Variants in AGBL4 observed in about 807,000 individuals in gnomAD.
AGBL4 encodes the protein AGBL carboxypeptidase 4, also known as cytosolic carboxypeptidase 6.
AGBL4 carries 58 observed loss-of-function variants against 66.4 expected under a neutral mutation model. That is an observed-to-expected ratio of 0.87 (90% confidence interval 0.71 to 1.09). The LOEUF is 1.09. Among genes scored for constraint, AGBL4 ranks in the 50% least tolerant of loss-of-function variants. The pLI, the probability that AGBL4 is intolerant of heterozygous loss-of-function variation, is 0.00. For synonymous variants in AGBL4, 234 were observed against 222.9 expected (o/e 1.05, Z -0.44); for missense variants, 579 against 631.0 (o/e 0.92, Z 0.88).
chr1:48,773,896 A>G (rs899801295), intron 6 of AGBL4, among the ~76,000 whole-genome samples: 3 of 152,234 alleles, frequency 2.0e-5, no homozygotes, highest in African/African-American at 7.2e-5. Context: ...GACTATCAGG[A>G]AAGAAGGAGT....
chr1:48,607,629 G>GA (rs1202791064), intron 9 of AGBL4, among the ~76,000 whole-genome samples: 1 of 151,556 alleles, frequency 6.6e-6, no homozygotes, highest in Non-Finnish European at 1.5e-5. Context: ...CCCACCCCCA[G>GA]AAAAAAAGAG....
intron 5 of AGBL4, among the ~76,000 whole-genome samples, chr1:48,915,522 G>A (rs1306999819): frequency 3.9e-5 from 6 of 152,166 alleles, no homozygotes. Flanking sequence ...CTTGGTCACT[G>A]TGATATCACC....
At chr1:49,236,934 G>C (rs1272728122) in intron 4 of AGBL4, among the ~76,000 whole-genome samples, 1 of 151,986 alleles carries the variant, frequency 6.6e-6, no homozygotes, top group Non-Finnish European at 1.5e-5. Context: ...TTCCTGCACT[G>C]TTATCCTGAT....
rs2148677347 is a variant in AGBL4 at position 49,447,558 on chromosome 1, G to A, written c.283-201694C>T. Among the ~76,000 whole-genome samples the A allele has an allele frequency of 1.3e-5, 2 of 152,248 alleles. 1 individual carries two copies. The highest frequency in any genetic ancestry group is 6.8e-3 in the Middle Eastern group (2 of 292). On this transcript the variant is annotated intron_variant, in intron 3 of 13. Coordinates refer to ENST00000371839, the MANE Select transcript of AGBL4 (RefSeq NM_032785.4). ...AGACACTTAGTTCTCAGAGTGGGGT[G>A]GGGCAGAGTGAGTTACCCAACATGA...
intron 3 of AGBL4, among the ~76,000 whole-genome samples, chr1:49,526,549 A>G (rs190676559): frequency 6.6e-6 from 1 of 152,270 alleles, no homozygotes; most frequent in African/African-American, 2.4e-5. Flanking sequence ...TTGGAGAGTC[A>G]AATATAAATA....
chr1:49,594,645 C>G (rs748655812), intron 3 of AGBL4, among the ~76,000 whole-genome samples: 17 of 152,154 alleles, frequency 1.1e-4, no homozygotes, highest in Non-Finnish European at 2.4e-4. Flanking sequence ...TGTTAGTTTG[C>G]TGAGAATGAT....
intron 3 of AGBL4, among the ~76,000 whole-genome samples, chr1:49,411,815 T>C (rs1229208910): frequency 3.9e-5 from 6 of 152,088 alleles, no homozygotes; most frequent in African/African-American, 1.4e-4. Flanking sequence ...TGGGGGACTA[T>C]ATGGAAGGCA....
intron 6 of AGBL4, among the ~76,000 whole-genome samples, chr1:48,791,632 G>T (rs774209526): frequency 2.0e-5 from 3 of 152,080 alleles, no homozygotes; most frequent in Non-Finnish European, 2.9e-5. Context: ...GAAAAATCGG[G>T]GTTTAAATCT....
intron 6 of AGBL4, among the ~76,000 whole-genome samples, chr1:48,739,351 T>C (rs1470271157): frequency 1.3e-5 from 2 of 152,248 alleles, no homozygotes; most frequent in Non-Finnish European, 2.9e-5. Flanking sequence ...CTCTGGAATT[T>C]TGAATGGCTC....
chr1:49,545,186 C>A (rs1167403401), intron 3 of AGBL4, among the ~76,000 whole-genome samples: 2 of 152,140 alleles, frequency 1.3e-5, no homozygotes, highest in Non-Finnish European at 2.9e-5. Flanking sequence ...TAATTCCTAT[C>A]TTGCTAGAAG....
intron 3 of AGBL4, among the ~76,000 whole-genome samples, chr1:49,550,016 C>G (rs1214731546): frequency 2.0e-5 from 3 of 152,162 alleles, no homozygotes; most frequent in Non-Finnish European, 4.4e-5. Context: ...TTGGACAAGG[C>G]ATTTTACCAT....
chr1:48,910,776 T>C (rs1352682356), intron 5 of AGBL4, among the ~76,000 whole-genome samples: 1 of 152,176 alleles, frequency 6.6e-6, no homozygotes, highest in African/African-American at 2.4e-5. Flanking sequence ...TTGTCATTAA[T>C]ATTTTTACCA....
intron 3 of AGBL4, among the ~76,000 whole-genome samples, chr1:49,684,361 T>G (rs1164908670): frequency 6.6e-6 from 1 of 152,198 alleles, no homozygotes; most frequent in African/African-American, 2.4e-5. Context: ...CTTTTTCACT[T>G]TCTACATCTG....
At chr1:49,411,084 C>A (rs1446623239) in intron 3 of AGBL4, among the ~76,000 whole-genome samples, 11 of 152,146 alleles carry the variant, frequency 7.2e-5, no homozygotes, top group Admixed American at 7.2e-4. Context: ...AAGAAAGAAG[C>A]CAGCAGTGGT....
chr1:49,253,450 T>C lies in AGBL4; in HGVS notation c.283-7586A>G, dbSNP rs1338481914. On this transcript the variant is annotated intron_variant, in intron 3 of 13. Transcript: ENST00000371839. ...GGAAATGGATAAATTCCTGGACACA[T>C]ATACCCTCCCAAGGCCAAACCAGGA... Among the ~76,000 whole-genome samples the C allele has an allele frequency of 2.0e-5, 3 of 152,146 alleles. No individual in the cohort carries two copies. The East Asian group carries it at 5.8e-4, about 29-fold the overall frequency.
At chr1:49,994,526 C>T (rs962995203) in intron 1 of AGBL4, 1 of 152,166 alleles carries the variant, frequency 6.6e-6, no homozygotes, top group African/African-American at 2.4e-5. Flanking sequence ...CTGAAGTAAG[C>T]CACAATCATG....
At position 48,736,343 on chromosome 1, in the gene AGBL4, G is replaced by A. The variant is rs774693643; in HGVS notation, c.635-73102C>T. The A allele has an allele frequency of 1.2e-6, 2 of 1,614,012 alleles. No homozygotes were observed. Among genetic ancestry groups the A allele is most frequent in the Non-Finnish European group, 1.7e-6 (2 of 1,180,022 alleles). The stretch of plus-strand genomic sequence containing the variant: ...GACGCTTCTGTTTTTCAGAACATCT[G>A]TTCCCCAAATCATAACTGCCAAGTT... On this transcript the variant is annotated intron_variant, in intron 6 of 13. Transcript: ENST00000371839. The surrounding 1 kb of genome is among the most constrained non-coding windows in gnomAD (Gnocchi z 4.0).
At chr1:49,510,571 G>A (rs1649132306) in intron 3 of AGBL4, among the ~76,000 whole-genome samples, 1 of 150,954 alleles carries the variant, frequency 6.6e-6, no homozygotes, top group Non-Finnish European at 1.5e-5. Flanking sequence ...TTGCTGTGCA[G>A]AAGCTCTTTA....
intron 3 of AGBL4, among the ~76,000 whole-genome samples, chr1:49,263,968 T>C (rs766268081): frequency 6.6e-6 from 1 of 152,096 alleles, no homozygotes; most frequent in African/African-American, 2.4e-5. Flanking sequence ...TGCATTAGAG[T>C]GACATTTATC....
Sources: allele counts gnomAD v4.1 joint callset (sites outside exome capture counted in the v4.1 genomes callset), GRCh38; gene constraint gnomAD v4.1.1; non-coding constraint Gnocchi (gnomAD v3.1); transcripts MANE v1.5; gene names NCBI Gene and HGNC (gene_info 2026-07-23, HGNC 2026-07-21).